DAGLA: variants seen among roughly 807,000 people sequenced by gnomAD.
The protein encoded by DAGLA is diacylglycerol lipase-alpha.
DAGLA carries 22 observed loss-of-function variants against 102.6 expected under a neutral mutation model. That is an observed-to-expected ratio of 0.21 (90% CI 0.15 to 0.31). The LOEUF is 0.31. Ranked by LOEUF, DAGLA falls within the 10% of genes least tolerant of loss-of-function variation. The pLI is 1.00. For synonymous variants in DAGLA, 578 were observed against 628.9 expected (o/e 0.92, Z 1.21); for missense variants, 927 against 1,446.6 (o/e 0.64, Z 5.83).
At chr11:61,712,558 C>G (rs1367287443) in intron 1 of DAGLA, among the ~76,000 whole-genome samples, 1 of 152,240 alleles carries the variant, frequency 6.6e-6, no homozygotes, top group Non-Finnish European at 1.5e-5. Flanking sequence ...AATCTGGCCC[C>G]AGTCCTGGGC....
Position 61,737,231 on chromosome 11 carries a change from G to C in DAGLA, c.1421G>C (p.Gly474Ala). ...YGLIVVGHSL[G>A]AGTAAILSFL... ...CTGATTGTGGTGGGCCACTCCCTGG[G>C]CGCGGGCACTGCTGCCATCCTCTCC... The change falls in exon 14 of 20, where the codon GGC (glycine) becomes GCC (alanine). Residue 474 changes from glycine to alanine, a missense_variant. Transcript: ENST00000257215. 1 of 1,613,422 alleles carries C rather than the reference G, an allele frequency of 6.2e-7. No individual in the cohort carries two copies. Among genetic ancestry groups the C allele is most frequent in the Non-Finnish European group, 8.5e-7 (1 of 1,180,036 alleles).
chr11:61,744,329 C>T lies in DAGLA; in HGVS notation c.2969C>T (p.Pro990Leu). Residue 990 changes from proline to leucine, a missense_variant, in exon 20 of 20, where the codon CCC becomes CTC. Pro to Leu is a moderately conservative substitution (Grantham distance 98). Transcript: ENST00000257215. The part of the protein sequence containing the change: ...ADPSSGISLS[P>L]SFPLSSSGEL... Reference sequence around the variant, plus strand: ...CCCTCCTCGGGCATCTCACTCTCGCCCTCCTTCCCGCTCAGCTCCTCGGGT... The same window carrying T: ...CCCTCCTCGGGCATCTCACTCTCGCTCTCCTTCCCGCTCAGCTCCTCGGGT... 6.2e-7 allele frequency: 1 copy of T among 1,612,676 alleles called. No homozygotes were observed.
In DAGLA at chr11:61,745,058, G is replaced by GC. The variant is rs2065525526; in HGVS notation, c.*575dup. On this transcript the variant is annotated 3_prime_UTR_variant, in exon 20 of 20. Coordinates refer to ENST00000257215, the MANE Select transcript of DAGLA (RefSeq NM_006133.3). ...CTCAGGATGTGTTCTGGGCTTGCAA[G>GC]CCCCCCGCCCAATCATGTGTTCAGT... 6.4e-6 allele frequency: 1 copy of GC among 155,098 alleles called. No homozygotes were observed. 9.6% of individuals were successfully genotyped at this position (155,098 alleles called of 1,614,324 possible). A position where few individuals can be genotyped will look rare whatever the true frequency, so the allele number is the denominator to read the frequency against.
chr11:61,730,392 G>A (rs2065363493), intron 8 of DAGLA, among the ~76,000 whole-genome samples: 1 of 152,158 alleles, frequency 6.6e-6, no homozygotes. Flanking sequence ...GCTTCTGACA[G>A]GGAGAGGATA....
At chr11:61,720,915 C>T in intron 3 of DAGLA, 25 bp downstream of exon 3, 1 of 1,594,458 alleles carries the variant, frequency 6.3e-7, no homozygotes, top group Non-Finnish European at 8.6e-7. Context: ...CCCTGGGGTG[C>T]TGCCCCAGAC....
chr11:61,730,466 G>C (rs1406244617), intron 8 of DAGLA, among the ~76,000 whole-genome samples: 1 of 152,070 alleles, frequency 6.6e-6, no homozygotes, highest in African/African-American at 2.4e-5. Flanking sequence ...CCACCCCTCC[G>C]GGCCCTGATC....
chr11:61,733,932 C>T (rs1591050009), intron 9 of DAGLA, among the ~76,000 whole-genome samples: 1 of 83,008 alleles, frequency 1.2e-5, no homozygotes, highest in African/African-American at 4.1e-5. Context: ...GAACAGAGGC[C>T]CAGAGGAGCA....
intron 1 of DAGLA, among the ~76,000 whole-genome samples, chr11:61,719,018 T>C (rs1174609996): frequency 6.6e-6 from 1 of 152,176 alleles, no homozygotes; most frequent in Non-Finnish European, 1.5e-5. Context: ...AAGCCTCTAC[T>C]GGCCCCCGGC....
At chr11:61,695,016 A>G (rs1165169701) in intron 1 of DAGLA, among the ~76,000 whole-genome samples, 2 of 152,234 alleles carry the variant, frequency 1.3e-5, no homozygotes, top group African/African-American at 4.8e-5. Flanking sequence ...TGGTGATTCC[A>G]GGAAGCAGCC....
rs559194195 is a variant in DAGLA, at chr11:61,687,018, C to T, written c.-45+6514C>T. On this transcript the variant is annotated intron_variant, in intron 1 of 19. Transcript: ENST00000257215. ...CGTGTCTTTAGGAGGCTTTGCTCAG[C>T]CACAAAATAATACTAGTAACAATAA... Among the ~76,000 whole-genome samples, 175 of 152,262 alleles carry T rather than the reference C, an allele frequency of 1.1e-3. 2 individuals carry two copies. Among genetic ancestry groups the T allele is most frequent in the African/African-American group, 3.3e-3 (139 of 41,526 alleles).
chr11:61,740,476 G>C lies in DAGLA; in HGVS notation c.1867G>C (p.Glu623Gln). Residue 623 changes from glutamate to glutamine, a missense_variant, in exon 18 of 20, where the codon GAG becomes CAG. By Grantham distance (29) the Glu-to-Gln change is conservative (BLOSUM62 2). Around this residue, in one of 4 missense-constraint regions of DAGLA, gnomAD observed 218 missense variants for 459.6 expected, o/e 0.47. Transcript: ENST00000257215. ...PAEQCCCCEQ[E>Q]EPTYFAIWGD... ...TGTCCCTCTCAGCTGCTGTGAGCAG[G>C]AGGAGCCCACATACTTTGCCATCTG... 6.2e-7 allele frequency: 1 copy of C among 1,613,688 alleles called. No individual in the cohort carries two copies. Among genetic ancestry groups the C allele is most frequent in the Non-Finnish European group, 8.5e-7 (1 of 1,179,926 alleles).
intron 1 of DAGLA, among the ~76,000 whole-genome samples, chr11:61,719,608 C>T (rs2065265521): frequency 6.6e-6 from 1 of 152,256 alleles, no homozygotes; most frequent in Non-Finnish European, 1.5e-5. Context: ...GCCAACCATA[C>T]AGGGTCCCTT....
At chr11:61,722,312 G>A (rs981918561) in intron 3 of DAGLA, among the ~76,000 whole-genome samples, 6 of 152,198 alleles carry the variant, frequency 3.9e-5, no homozygotes, top group South Asian at 2.1e-4. Context: ...TGGGCCAGGC[G>A]CGGTGGCTCA....
At chr11:61,682,427 G>A (rs904691921) in intron 1 of DAGLA, among the ~76,000 whole-genome samples, 1 of 152,150 alleles carries the variant, frequency 6.6e-6, no homozygotes, top group Non-Finnish European at 1.5e-5. Flanking sequence ...ACATGCTCCC[G>A]GTGGGGGCAA....
At chr11:61,735,068 C>A in intron 10 of DAGLA, 66 bp downstream of exon 10, 1 of 1,562,176 alleles carries the variant, frequency 6.4e-7, no homozygotes, top group Non-Finnish European at 8.7e-7. Flanking sequence ...GGTGCTGAGG[C>A]TATCCTTCCA....
At chr11:61,697,673 T>A (rs532101356) in intron 1 of DAGLA, among the ~76,000 whole-genome samples, 2 of 152,260 alleles carry the variant, frequency 1.3e-5, no homozygotes, top group East Asian at 1.9e-4. Flanking sequence ...CCTGTTTTTT[T>A]TTATTTTTAT....
chr11:61,732,416 G>A (rs987193861), intron 9 of DAGLA, among the ~76,000 whole-genome samples: 2 of 152,192 alleles, frequency 1.3e-5, no homozygotes, highest in Non-Finnish European at 2.9e-5. Flanking sequence ...ATTCTTGCCT[G>A]CATCCCTGGG....
rs113263760 is a variant in DAGLA at position 61,728,471 on chromosome 11, C to T, written c.771+184C>T. The stretch of plus-strand genomic sequence containing the variant: ...CCCCTGCCTTCCTGAGCTTGTCCTT[C>T]GGCCAGGCTTTCCGTGACTACTACT... On this transcript the variant is annotated intron_variant, in intron 7 of 19. Transcript: ENST00000257215. Among the ~76,000 whole-genome samples, 571 of 152,310 alleles carry T rather than the reference C, an allele frequency of 3.7e-3. 2 individuals are homozygous for T. Among genetic ancestry groups the T allele is most frequent in the Middle Eastern group, 6.8e-3 (2 of 294 alleles).
At chr11:61,683,306 C>T (rs1001409433) in intron 1 of DAGLA, among the ~76,000 whole-genome samples, 1 of 152,196 alleles carries the variant, frequency 6.6e-6, no homozygotes, top group Non-Finnish European at 1.5e-5. Context: ...CTCGCCCTGT[C>T]CCCGTAGCTG....
Sources: allele counts gnomAD v4.1 joint callset (sites outside exome capture counted in the v4.1 genomes callset), GRCh38; gene constraint gnomAD v4.1.1; regional missense constraint gnomAD v4.1.1; transcripts MANE v1.5; gene names NCBI Gene and HGNC (gene_info 2026-07-23, HGNC 2026-07-21).